Variants in PARD3 observed in about 807,000 individuals in gnomAD.
The protein encoded by PARD3 is par-3 family cell polarity regulator, also known as partitioning defective 3 homolog.
Under a neutral mutation model 155.4 loss-of-function variants are expected in PARD3, and 75 were observed. The observed-to-expected ratio is 0.48, with a 90% CI of 0.40 to 0.58. PARD3 has a LOEUF of 0.58. PARD3 is among the 20% of genes least tolerant of loss of function. PARD3 has a pLI of 0.00. For missense variants in PARD3, 1,642 were observed against 1,721.7 expected (o/e 0.95, Z 0.82); for synonymous variants, 576 against 610.5 (o/e 0.94, Z 0.83).
chr10:34,556,375 TTTC>T (rs1477519725), intron 2 of PARD3, among the ~76,000 whole-genome samples: 3 of 136,108 alleles, frequency 2.2e-5, no homozygotes, highest in African/African-American at 6.6e-5. Context: ...TCCAATTCCT[TTTC>T]TTCTTTCTTT....
At chr10:34,446,881 G>A (rs1202920982) in intron 5 of PARD3, among the ~76,000 whole-genome samples, 1 of 152,128 alleles carries the variant, frequency 6.6e-6, no homozygotes, top group Non-Finnish European at 1.5e-5. Context: ...GATGAAATAT[G>A]TAAAACATTT....
At position 34,141,089 on chromosome 10, in the gene PARD3, A is replaced by T. The variant is rs189873559; in HGVS notation, c.3420-9506T>A. 3.9e-5 allele frequency among the ~76,000 whole-genome samples: 6 copies of T among 152,290 alleles called. No homozygotes were observed. The East Asian group carries it at 1.2e-3, about 29-fold the overall frequency. On this transcript the variant is annotated intron_variant, in intron 22 of 24. Transcript: ENST00000374788. ...TTATGATATTGCACAAATGGTCTTGATACTGACTTTGAGGTTTTTAGACAA... is the reference window on the plus strand; with the variant it reads ...TTATGATATTGCACAAATGGTCTTGTTACTGACTTTGAGGTTTTTAGACAA...
chr10:34,563,532 A>AT (rs3041201), intron 2 of PARD3, among the ~76,000 whole-genome samples: 19,766 of 144,234 alleles, frequency 0.14, 1,772 homozygotes, highest in South Asian at 0.34. Flanking sequence ...ACGCCTGCTA[A>AT]TTTTTTTTTT....
At chr10:34,617,270 A>G (rs2091321502) in intron 2 of PARD3, among the ~76,000 whole-genome samples, 2 of 152,074 alleles carry the variant, frequency 1.3e-5, no homozygotes, top group African/African-American at 2.4e-5. Context: ...AAATAAATAA[A>G]TAAATAAAAA....
At chr10:34,521,432 G>A (rs1341772068) in intron 2 of PARD3, among the ~76,000 whole-genome samples, 1 of 150,202 alleles carries the variant, frequency 6.7e-6, no homozygotes, top group Non-Finnish European at 1.5e-5. Flanking sequence ...TCTCCATCAT[G>A]CCCTTCAAAA....
intron 19 of PARD3, among the ~76,000 whole-genome samples, chr10:34,329,826 A>G (rs573203776): frequency 6.6e-5 from 10 of 152,232 alleles, no homozygotes; most frequent in Non-Finnish European, 1.3e-4. Context: ...TGCTTCGCAT[A>G]TTACATTATG....
intron 2 of PARD3, among the ~76,000 whole-genome samples, chr10:34,524,723 A>G (rs1342008047): frequency 6.6e-6 from 1 of 152,200 alleles, no homozygotes; most frequent in Non-Finnish European, 1.5e-5. Context: ...CTTAAGTATT[A>G]ATAAAAAGTA....
chr10:34,611,911 A>G (rs1421557009), intron 2 of PARD3, among the ~76,000 whole-genome samples: 3 of 135,702 alleles, frequency 2.2e-5, no homozygotes, highest in Admixed American at 8.3e-5. Context: ...CCAGGTTCAC[A>G]CCATTCCCCT....
At chr10:34,779,336 G>A (rs1039893531) in intron 1 of PARD3, among the ~76,000 whole-genome samples, 10 of 145,320 alleles carry the variant, frequency 6.9e-5, no homozygotes, top group South Asian at 2.2e-4. Context: ...GCAGCCGGGC[G>A]CGGTGGCTCA....
chr10:34,329,726 G>A (rs767611444), intron 19 of PARD3, among the ~76,000 whole-genome samples: 2 of 152,104 alleles, frequency 1.3e-5, no homozygotes, highest in Non-Finnish European at 2.9e-5. Context: ...AGGCCCAGTT[G>A]TGAGGAATCT....
intron 3 of PARD3, among the ~76,000 whole-genome samples, chr10:34,500,381 A>T (rs545373263): frequency 6.6e-6 from 1 of 152,374 alleles, no homozygotes; most frequent in East Asian, 1.9e-4. Context: ...CAATGTGCTC[A>T]TGAAGACTCA....
chr10:34,694,560 T>G (rs1398403646), intron 2 of PARD3, among the ~76,000 whole-genome samples: 2 of 137,130 alleles, frequency 1.5e-5, no homozygotes, highest in African/African-American at 2.7e-5. Context: ...AAGCTCCACC[T>G]CCCAGGTTCA....
intron 1 of PARD3, among the ~76,000 whole-genome samples, chr10:34,700,635 A>G (rs1225065855): frequency 6.6e-6 from 1 of 152,258 alleles, no homozygotes; most frequent in Admixed American, 6.5e-5. Context: ...AAAGCATTGC[A>G]TGAAGGCAAA....
intron 3 of PARD3, among the ~76,000 whole-genome samples, chr10:34,499,925 T>C (rs1564783687): frequency 6.6e-6 from 1 of 152,226 alleles, no homozygotes. Context: ...ACGTTATTTA[T>C]AATACCTAAT....
chr10:34,512,916 A>G (rs1156259018), intron 3 of PARD3, among the ~76,000 whole-genome samples: 1 of 152,176 alleles, frequency 6.6e-6, no homozygotes, highest in Non-Finnish European at 1.5e-5. Flanking sequence ...AATACCAACG[A>G]CAAACAGTTT....
At chr10:34,194,304 C>T (rs936850873) in intron 22 of PARD3, among the ~76,000 whole-genome samples, 1 of 152,104 alleles carries the variant, frequency 6.6e-6, no homozygotes, top group African/African-American at 2.4e-5. Context: ...GTGGAAGTTG[C>T]CCACCCAGAG....
At chr10:34,440,956 T>C (rs1356215687) in intron 5 of PARD3, among the ~76,000 whole-genome samples, 4 of 152,274 alleles carry the variant, frequency 2.6e-5, no homozygotes, top group South Asian at 4.2e-4. Context: ...ATATAAGGAA[T>C]GGAAGCAGAC....
chr10:34,562,628 T>C (rs919166032), intron 2 of PARD3, among the ~76,000 whole-genome samples: 2 of 152,180 alleles, frequency 1.3e-5, no homozygotes, highest in Non-Finnish European at 2.9e-5. Context: ...ATCATTTATA[T>C]AAATGTTAAA....
At chr10:34,695,709 G>C (rs1483505319) in intron 2 of PARD3, among the ~76,000 whole-genome samples, 2 of 152,164 alleles carry the variant, frequency 1.3e-5, no homozygotes, top group South Asian at 2.1e-4. Context: ...AGCACACACA[G>C]AGCATCAGAG....
Sources: allele counts gnomAD v4.1 joint callset (sites outside exome capture counted in the v4.1 genomes callset), GRCh38; gene constraint gnomAD v4.1.1; transcripts MANE v1.5; gene names NCBI Gene and HGNC (gene_info 2026-07-23, HGNC 2026-07-21).